Variants in NEDD9 observed in about 807,000 individuals in gnomAD.
The protein encoded by NEDD9 is neural precursor cell expressed, developmentally down-regulated 9.
Under a neutral mutation model 76.6 loss-of-function variants are expected in NEDD9, and 26 were observed. The observed-to-expected ratio is 0.34, with a 90% CI of 0.25 to 0.47. The LOEUF (loss-of-function observed/expected upper bound fraction) is 0.47, where lower values mean the gene tolerates loss of function less well. Ranked by LOEUF, NEDD9 falls within the 20% of genes least tolerant of loss-of-function variation. The pLI is 1.00. For missense variants in NEDD9, 937 were observed against 1,058.5 expected, an observed-to-expected ratio of 0.89 and a Z score of 1.59; for synonymous variants, 392 against 414.2, an observed-to-expected ratio of 0.95 and a Z score of 0.65.
chr6:11,224,772 G>A (rs554498791), intron 1 of NEDD9, among the ~76,000 whole-genome samples: 8 of 152,104 alleles, frequency 5.3e-5, no homozygotes, highest in Non-Finnish European at 8.8e-5. Context: ...AGGGTGTTGG[G>A]GGGCAGAAAA....
intron 1 of NEDD9, 41 bp downstream of exon 1, chr6:11,232,463 C>A: frequency 6.2e-7 from 1 of 1,613,590 alleles, no homozygotes; most frequent in South Asian, 1.1e-5. Flanking sequence ...GCAGGCACAG[C>A]TTTCAGCTTG....
At chr6:11,269,665 G>A (rs775471645) in intron 3 of NEDD9, among the ~76,000 whole-genome samples, 2 of 151,948 alleles carry the variant, frequency 1.3e-5, no homozygotes, top group African/African-American at 4.8e-5. Context: ...GGTTGTTTCG[G>A]TCTGTCATTA....
At chr6:11,192,930 C>A (rs1257973808) in intron 3 of NEDD9, among the ~76,000 whole-genome samples, 1 of 32,966 alleles carries the variant, frequency 3.0e-5, no homozygotes, top group African/African-American at 1.0e-4. Context: ...AAGACTCTGT[C>A]TCAAAAAAAA....
At chr6:11,245,632 T>C (rs1199746708) in intron 3 of NEDD9, among the ~76,000 whole-genome samples, 2 of 112,272 alleles carry the variant, frequency 1.8e-5, no homozygotes, top group African/African-American at 4.4e-5. Context: ...TAAACTTGCG[T>C]TGGGGGAAAA....
chr6:11,339,271 T>C (rs1196607347), intron 1 of NEDD9, among the ~76,000 whole-genome samples: 2 of 152,240 alleles, frequency 1.3e-5, no homozygotes, highest in Non-Finnish European at 2.9e-5. Flanking sequence ...CTCATTCTTT[T>C]TGATGACTGC....
At position 11,193,616 on chromosome 6, in the gene NEDD9, A is replaced by C; in HGVS notation, c.536T>G (p.Ile179Ser). The change falls in exon 3 of 7, where the codon ATC becomes AGC. Residue 179 changes from isoleucine to serine, a missense_variant. Coordinates refer to ENST00000379446, the MANE Select transcript of NEDD9 (RefSeq NM_006403.4). Reference protein sequence around the residue: ...PSRYQKDVYDIPPSHTTQGVY... With the variant: ...PSRYQKDVYDSPPSHTTQGVY... ...CCCTTGAGTGGTATGAGAAGGAGGG[A>C]TATCATAGACGTCCTTTTGGTATCT... 3 of 1,613,698 alleles carry C rather than the reference A, an allele frequency of 1.9e-6. No homozygotes were observed. In the Middle Eastern group the frequency reaches 5.0e-4, roughly 266 times the overall value.
intron 5 of NEDD9, among the ~76,000 whole-genome samples, 154 bp downstream of exon 5, chr6:11,189,810 A>G (rs1758083704): frequency 6.6e-6 from 1 of 152,260 alleles, no homozygotes; most frequent in South Asian, 2.1e-4. Context: ...CGTTCTTACT[A>G]CTCTACGACA....
chr6:11,245,162 G>A (rs1759783309), intron 3 of NEDD9, among the ~76,000 whole-genome samples: 1 of 152,158 alleles, frequency 6.6e-6, no homozygotes, highest in African/African-American at 2.4e-5. Context: ...GTGTGTGGGA[G>A]GAGAGGGAGA....
chr6:11,297,199 G>A (rs987178525), intron 3 of NEDD9, among the ~76,000 whole-genome samples: 22 of 150,770 alleles, frequency 1.5e-4, no homozygotes, highest in Non-Finnish European at 2.7e-4. Context: ...GTCTTCAGTG[G>A]AGCAATGGTA....
At chr6:11,203,479 G>A (rs1278395471) in intron 2 of NEDD9, among the ~76,000 whole-genome samples, 1 of 152,200 alleles carries the variant, frequency 6.6e-6, no homozygotes, top group East Asian at 1.9e-4. Flanking sequence ...TTCCTAAAGA[G>A]GAGAACGCTC....
intron 3 of NEDD9, among the ~76,000 whole-genome samples, chr6:11,299,911 G>T (rs1760997761): frequency 6.6e-6 from 1 of 152,184 alleles, no homozygotes; most frequent in South Asian, 2.1e-4. Context: ...AGAAACCAGA[G>T]CAGAAAAGCT....
At position 11,193,093 on chromosome 6, in the gene NEDD9, T is replaced by C. The variant is rs144539195; in HGVS notation, c.561+498A>G. ...GCCGAGGTGGGCAGACCACTTGCAG[T>C]TAGGAGTTCAAAACCAGCCTGGCCA... is the stretch of plus-strand genomic sequence containing the variant. On this transcript the variant is annotated intron_variant, in intron 3 of 6. Coordinates refer to ENST00000379446, the MANE Select transcript of NEDD9 (RefSeq NM_006403.4). Among the ~76,000 whole-genome samples the C allele has an allele frequency of 1.7e-4, 26 of 151,976 alleles. No individual in the cohort carries two copies. In the East Asian group the frequency reaches 4.5e-3, roughly 26 times the overall value.
chr6:11,296,645 T>C (rs550711637), intron 3 of NEDD9, among the ~76,000 whole-genome samples: 6,781 of 131,434 alleles, frequency 0.052, 280 homozygotes, highest in Admixed American at 0.1. Flanking sequence ...TTCCTTCCTT[T>C]CCTTCCTTCC....
chr6:11,232,286 C>A (rs1445911105), intron 1 of NEDD9, among the ~76,000 whole-genome samples: 2 of 152,212 alleles, frequency 1.3e-5, no homozygotes, highest in Admixed American at 6.5e-5. Context: ...ACTTTCAGAG[C>A]AGATGGACTC....
chr6:11,344,658 C>T (rs1762332707), intron 1 of NEDD9, among the ~76,000 whole-genome samples: 1 of 152,202 alleles, frequency 6.6e-6, no homozygotes, highest in South Asian at 2.1e-4. Flanking sequence ...TAGCATGTGA[C>T]TACAATCTGC....
At chr6:11,293,021 A>C (rs1158395700) in intron 3 of NEDD9, among the ~76,000 whole-genome samples, 1 of 152,194 alleles carries the variant, frequency 6.6e-6, no homozygotes, top group Admixed American at 6.5e-5. Flanking sequence ...TAGTTTAACA[A>C]TCTCTACAGG....
At chr6:11,251,378 G>T (rs1352736634) in intron 3 of NEDD9, 1 of 152,220 alleles carries the variant, frequency 6.6e-6, no homozygotes, top group East Asian at 1.9e-4. Context: ...CTGGAGTCCA[G>T]GCTGGTTAGG....
intron 1 of NEDD9, among the ~76,000 whole-genome samples, chr6:11,350,228 G>T (rs1762440248): frequency 6.6e-6 from 1 of 152,158 alleles, no homozygotes; most frequent in African/African-American, 2.4e-5. Context: ...ATTATTACAG[G>T]TACAGGATTT....
At chr6:11,301,017 T>G (rs1761032625) in intron 3 of NEDD9, among the ~76,000 whole-genome samples, 1 of 152,094 alleles carries the variant, frequency 6.6e-6, no homozygotes, top group Non-Finnish European at 1.5e-5. Flanking sequence ...CACATAACAA[T>G]ATTAATCTTA....
Sources: allele counts gnomAD v4.1 joint callset (sites outside exome capture counted in the v4.1 genomes callset), GRCh38; gene constraint gnomAD v4.1.1; transcripts MANE v1.5; gene names NCBI Gene and HGNC (gene_info 2026-07-23, HGNC 2026-07-21).